LIN52: variants seen among roughly 807,000 people sequenced by gnomAD.
LIN52 encodes the protein lin-52 DREAM MuvB core complex component.
Under a neutral mutation model 18.5 loss-of-function variants are expected in LIN52, and 4 were observed. The observed-to-expected ratio is 0.22, with a 90% CI of 0.11 to 0.49. The LOEUF (loss-of-function observed/expected upper bound fraction) is 0.49. Among genes scored for constraint, LIN52 ranks in the 20% least tolerant of loss-of-function variants. LIN52 has a pLI of 0.97. For missense variants in LIN52, 102 were observed against 139.5 expected (o/e 0.73, Z 1.35); for synonymous variants, 34 against 45.5 (o/e 0.75, Z 1.02).
chr14:74,084,998 G>C lies in LIN52; in HGVS notation c.19+5G>C, dbSNP rs953405208. The C allele has an allele frequency of 5.7e-6, 8 of 1,406,548 alleles. No individual in the cohort carries two copies. The highest frequency in any genetic ancestry group is 1.5e-5 in the African/African-American group (1 of 67,394). The allele number at this position is 1,406,548 out of a possible 1,614,324, so 87.1% of individuals were successfully genotyped here. ...AGATGGCGTCTCCCACAGACGGTAA[G>C]AGCCGGCTTAGAGATCTTTGCCTGC... On this transcript the variant is annotated splice_donor_5th_base_variant and intron_variant, in intron 1 of 5. Coordinates refer to ENST00000555028, the MANE Select transcript of LIN52 (RefSeq NM_001024674.3).
chr14:74,195,570 G>GTGTGTGTT (rs1278118507), intron 5 of LIN52, among the ~76,000 whole-genome samples: 2 of 151,506 alleles, frequency 1.3e-5, no homozygotes, highest in African/African-American at 4.9e-5. Flanking sequence ...GTGTGTGTGT[G>GTGTGTGTT]TGTGTGCGCG....
chr14:74,153,232 T>G (rs2061184477), intron 5 of LIN52, among the ~76,000 whole-genome samples: 1 of 152,124 alleles, frequency 6.6e-6, no homozygotes, highest in South Asian at 2.1e-4. Context: ...GTAAAGAATG[T>G]TAATGTCTGG....
Position 74,200,976 on chromosome 14 carries a change from G to A in LIN52, c.*1999G>A, listed in dbSNP as rs577769465. The A allele has an allele frequency of 2.0e-4, 31 of 152,320 alleles. No homozygotes were observed. The highest frequency in any genetic ancestry group is 4.0e-4 in the Non-Finnish European group (27 of 68,038). 9.4% of individuals were successfully genotyped at this position (152,320 alleles called of 1,614,324 possible). The stretch of plus-strand genomic sequence containing the variant: ...ACTCAAGTCTGTAACTGGAAGCCAG[G>A]TGGTTGGTTTTCTGGTCCGCTTTGT... On this transcript the variant is annotated 3_prime_UTR_variant, in exon 6 of 6. Transcript: ENST00000555028.
chr14:74,101,604 G>A (rs1483212819), intron 5 of LIN52, among the ~76,000 whole-genome samples: 2 of 150,878 alleles, frequency 1.3e-5, no homozygotes, highest in Non-Finnish European at 3.0e-5. Context: ...GACTACAGGC[G>A]CCCGCCACTA....
At chr14:74,128,391 C>A (rs144882671) in intron 5 of LIN52, among the ~76,000 whole-genome samples, 1 of 152,222 alleles carries the variant, frequency 6.6e-6, no homozygotes, top group South Asian at 2.1e-4. Flanking sequence ...TCAGCACATT[C>A]ATGTGAGGGA....
At chr14:74,131,095 A>G (rs2061063838) in intron 5 of LIN52, among the ~76,000 whole-genome samples, 1 of 151,970 alleles carries the variant, frequency 6.6e-6, no homozygotes, top group Non-Finnish European at 1.5e-5. Flanking sequence ...CCCACAAATT[A>G]AATTTTTTAT....
intron 3 of LIN52, among the ~76,000 whole-genome samples, 192 bp downstream of exon 3, chr14:74,096,177 C>T (rs984495028): frequency 6.6e-6 from 1 of 152,192 alleles, no homozygotes; most frequent in African/African-American, 2.4e-5. Context: ...TCTCCTGCCT[C>T]AGCCTCCTGA....
intron 4 of LIN52, among the ~76,000 whole-genome samples, chr14:74,098,611 G>A (rs1311970631): frequency 5.3e-5 from 8 of 150,122 alleles, no homozygotes; most frequent in African/African-American, 1.5e-4. Flanking sequence ...GCAGTGGTGC[G>A]ATCTCGGCTC....
At chr14:74,194,645 A>C (rs990282596) in intron 5 of LIN52, among the ~76,000 whole-genome samples, 1 of 152,188 alleles carries the variant, frequency 6.6e-6, no homozygotes, top group Non-Finnish European at 1.5e-5. Context: ...GACAGTTTCA[A>C]TTGTGGCTTT....
At chr14:74,171,927 A>G (rs974558220) in intron 5 of LIN52, among the ~76,000 whole-genome samples, 6 of 152,014 alleles carry the variant, frequency 3.9e-5, no homozygotes, top group Non-Finnish European at 8.8e-5. Context: ...TTTAGTGGAT[A>G]TGGGATTTTG....
intron 5 of LIN52, among the ~76,000 whole-genome samples, chr14:74,167,112 C>CTT (rs9323596): frequency 0.48 from 56,826 of 118,792 alleles, 14,325 homozygotes; most frequent in Non-Finnish European, 0.52. Context: ...GCCTCTGCTG[C>CTT]TTTTTTTTTT....
At chr14:74,130,278 G>GTGTTTTTTTTTTTT (rs1566856480) in intron 5 of LIN52, among the ~76,000 whole-genome samples, 4 of 64,838 alleles carry the variant, frequency 6.2e-5, no homozygotes, top group Non-Finnish European at 1.1e-4. Flanking sequence ...GCATTTTTTG[G>GTGTTTTTTTTTTTT]TTTTTTTTTT....
chr14:74,101,267 G>GGTGTATTCCACCCTGAGCT, intron 5 of LIN52, 29 bp downstream of exon 5: 3 of 1,538,376 alleles, frequency 2.0e-6, no homozygotes, highest in Admixed American at 2.0e-5. Flanking sequence ...TTTGTTCAGG[G>GGTGTATTCCACCCTGAGCT]GTGTATTCCA....
chr14:74,171,976 A>T (rs1252407287), intron 5 of LIN52, among the ~76,000 whole-genome samples: 1 of 152,042 alleles, frequency 6.6e-6, no homozygotes, highest in Admixed American at 6.6e-5. Flanking sequence ...ACCTCAGATG[A>T]TCTGCCCACC....
chr14:74,123,744 G>T (rs1196004263), intron 5 of LIN52, among the ~76,000 whole-genome samples: 1 of 152,016 alleles, frequency 6.6e-6, no homozygotes, highest in Non-Finnish European at 1.5e-5. Context: ...TAAAAGTGAT[G>T]GAATCCCACT....
At chr14:74,110,046 A>G (rs905188602) in intron 5 of LIN52, among the ~76,000 whole-genome samples, 1 of 152,216 alleles carries the variant, frequency 6.6e-6, no homozygotes, top group African/African-American at 2.4e-5. Flanking sequence ...GGAGAAACCC[A>G]CAGTGTTAGC....
chr14:74,116,610 G>A (rs1420592396), intron 5 of LIN52, among the ~76,000 whole-genome samples: 2 of 151,842 alleles, frequency 1.3e-5, no homozygotes, highest in Non-Finnish European at 2.9e-5. Context: ...GGAGGCTGAA[G>A]CAGGAGAATC....
chr14:74,101,755 C>T (rs1219844017), intron 5 of LIN52, among the ~76,000 whole-genome samples: 9 of 152,218 alleles, frequency 5.9e-5, no homozygotes, highest in African/African-American at 2.2e-4. Context: ...CCACCGCGCC[C>T]GGCCGATTTT....
chr14:74,183,405 T>A (rs931677026), intron 5 of LIN52, among the ~76,000 whole-genome samples: 1 of 152,102 alleles, frequency 6.6e-6, no homozygotes, highest in African/African-American at 2.4e-5. Flanking sequence ...AGCCAAAAAG[T>A]TACCCGCTTC....
Sources: allele counts gnomAD v4.1 joint callset (sites outside exome capture counted in the v4.1 genomes callset), GRCh38; gene constraint gnomAD v4.1.1; transcripts MANE v1.5; gene names NCBI Gene and HGNC (gene_info 2026-07-23, HGNC 2026-07-21).